RGS4: variants seen among roughly 807,000 people sequenced by gnomAD.
RGS4 encodes regulator of G protein signaling 4, also known as schizophrenia disorder 9.
A neutral mutation model predicts 21.6 loss-of-function variants in RGS4; 15 were observed. The observed-to-expected ratio is 0.69, with a 90% CI of 0.46 to 1.07. The LOEUF (loss-of-function observed/expected upper bound fraction) is 1.07, where lower values mean the gene tolerates loss of function less well. RGS4 is among the 50% of genes least tolerant of loss of function. RGS4 has a pLI of 0.00. For missense variants in RGS4, 237 were observed against 239.0 expected (o/e 0.99, Z 0.06); for synonymous variants, 94 against 85.5 (o/e 1.10, Z -0.55).
intron 1 of RGS4, chr1:163,071,855 G>GCCCCCCCCCCCCCCCCCCCCCCCCCCC (rs763643387): frequency 1.1e-3 from 2 of 1,816 alleles, no homozygotes; most frequent in Non-Finnish European, 1.0e-3. Context: ...GGAACTGCTT[G>GCCCCCCCCCCCCCCCCCCCCCCCCCCC]CCCCCCCCCC....
chr1:163,070,132 A>G (rs527739177), intron 1 of RGS4, among the ~76,000 whole-genome samples: 3 of 152,310 alleles, frequency 2.0e-5, no homozygotes, highest in African/African-American at 7.2e-5. Flanking sequence ...AGTTTGGTTG[A>G]GAAATATTGA....
rs186689062 is a variant in RGS4 at position 163,070,023 on chromosome 1, T to C, written c.44+495T>C. Among the ~76,000 whole-genome samples the C allele has an allele frequency of 8.5e-5, 13 of 152,270 alleles. No homozygotes were observed. The East Asian group carries it at 2.5e-3, about 29-fold the overall frequency. On this transcript the variant is annotated intron_variant, in intron 1 of 4. Coordinates refer to ENST00000367909, the MANE Select transcript of RGS4 (RefSeq NM_005613.6). ...TGGTGGTGCAGTAACTTTCACTCTC[T>C]ATGTTCTTATAAGCAAATGTTACAA...
At position 163,074,693 on chromosome 1, in the gene RGS4, G is replaced by A. The variant is rs117599588; in HGVS notation, c.*133G>A. The A allele has an allele frequency of 1.7e-3, 2,194 of 1,293,548 alleles. 38 individuals are homozygous for A. The East Asian group carries it at 0.035, about 21-fold the overall frequency. 80.1% of individuals were successfully genotyped at this position (1,293,548 alleles called of 1,614,324 possible). ...CTAATATTCATGCTGCCTGCCATGTGTGAGTCACTTCTACGCATAAACTAG... is the reference window on the plus strand; with the variant it reads ...CTAATATTCATGCTGCCTGCCATGTATGAGTCACTTCTACGCATAAACTAG... On this transcript the variant is annotated 3_prime_UTR_variant, in exon 5 of 5. Coordinates refer to ENST00000367909, the MANE Select transcript of RGS4 (RefSeq NM_005613.6).
upstream of RGS4, chr1:163,069,058 T>A (rs1334105024): frequency 4.6e-5 from 71 of 1,544,686 alleles, no homozygotes; most frequent in Non-Finnish European, 5.9e-5. Flanking sequence ...ATTTTTTTTT[T>A]ACAGGCATAT....
At chr1:163,071,913 G>A (rs945774002) in intron 1 of RGS4, 11 of 931,628 alleles carry the variant, frequency 1.2e-5, no homozygotes, top group Non-Finnish European at 1.4e-5. Context: ...TTACTTTCCC[G>A]AGGTGCTTCT....
At chr1:163,071,573 G>A (rs1212581162) in intron 1 of RGS4, among the ~76,000 whole-genome samples, 1 of 151,970 alleles carries the variant, frequency 6.6e-6, no homozygotes, top group Non-Finnish European at 1.5e-5. Context: ...ATGTGCCCTG[G>A]CTACCTATTA....
intron 1 of RGS4, chr1:163,070,587 T>A (rs763144964): frequency 6.6e-6 from 1 of 152,178 alleles, no homozygotes; most frequent in Non-Finnish European, 1.5e-5. Flanking sequence ...AGAGTATCTA[T>A]GAAATAAGTT....
chr1:163,069,615 T>C, intron 1 of RGS4, 87 bp downstream of exon 1: 1 of 1,103,128 alleles, frequency 9.1e-7, no homozygotes, highest in South Asian at 1.5e-5. Context: ...AACCTAGTTC[T>C]GTGCAATTAG....
intron 1 of RGS4, chr1:163,070,399 A>G (rs1035129310): frequency 6.6e-6 from 1 of 152,202 alleles, no homozygotes; most frequent in Non-Finnish European, 1.5e-5. Context: ...CTAAAGGTAT[A>G]CTACCTGCTT....
rs997823263 is a variant in RGS4 at position 163,075,800 on chromosome 1, T to C, written c.*1240T>C. ...TAAACCAGCAGCAGGGGAAAGATTA[T>C]ATTTTATAAGAGGGAACAAATTTTC... On this transcript the variant is annotated 3_prime_UTR_variant, in exon 5 of 5. Transcript: ENST00000367909. 1 of 152,364 alleles carries C rather than the reference T, an allele frequency of 6.6e-6. No individual in the cohort carries two copies. The highest frequency in any genetic ancestry group is 2.1e-4 in the South Asian group (1 of 4,830). 9.4% of individuals were successfully genotyped at this position (152,364 alleles called of 1,614,324 possible).
Position 163,073,439 on chromosome 1 carries a change from T to C in RGS4, c.212-17T>C, listed in dbSNP as rs559282897. 20 of 1,544,204 alleles carry C rather than the reference T, an allele frequency of 1.3e-5. No individual in the cohort carries two copies. The East Asian group carries it at 4.1e-4, about 32-fold the overall frequency. On this transcript the variant is annotated splice_polypyrimidine_tract_variant and intron_variant, in intron 3 of 4. Coordinates refer to ENST00000367909, the MANE Select transcript of RGS4 (RefSeq NM_005613.6). ...ACCAGTGTGATGACAACTGTGGTCC[T>C]TTCTCCTGTATCATAGGTGGGCTGG...
chr1:163,069,412 C>G lies in RGS4; in HGVS notation c.-73C>G. 1 of 1,607,022 alleles carries G rather than the reference C, an allele frequency of 6.2e-7. No individual in the cohort carries two copies. Among genetic ancestry groups the G allele is most frequent in the Non-Finnish European group, 8.5e-7 (1 of 1,176,316 alleles). The stretch of plus-strand genomic sequence containing the variant: ...TCTTTACCGGAGAAGAGGCAAAGTA[C>G]GCTCAAAGCCGAAGCCACAGCTCCT... On this transcript the variant is annotated 5_prime_UTR_variant, in exon 1 of 5. Coordinates refer to ENST00000367909, the MANE Select transcript of RGS4 (RefSeq NM_005613.6).
In RGS4 at chr1:163,072,465, CACAACAAGAAGG is replaced by C; in HGVS notation, c.120_131del (p.Asn40_Asp43del). ...TGATTCCTGTGAACACAATTCTTCC[CACAACAAGAAGG>C]ACAAAGTGGTTATTTGCCAGAGGTA... is the stretch of plus-strand genomic sequence containing the variant. On this transcript the variant is annotated inframe_deletion, in exon 2 of 5. Transcript: ENST00000367909. 1 of 1,613,058 alleles carries C rather than the reference CACAACAAGAAGG, an allele frequency of 6.2e-7. No individual in the cohort carries two copies. The highest frequency in any genetic ancestry group is 8.5e-7 in the Non-Finnish European group (1 of 1,179,370).
At chr1:163,069,676 CTAGATATTGTG>C in intron 1 of RGS4, 148 bp downstream of exon 1, 2 of 680,454 alleles carry the variant, frequency 2.9e-6, no homozygotes. Context: ...CCAAGACTAG[CTAGATATTGTG>C]ACTTAAGACA....
rs761559375 is a variant in RGS4, at chr1:163,069,416, C to G, written c.-69C>G. The G allele has an allele frequency of 2.3e-5, 37 of 1,608,768 alleles. No individual in the cohort carries two copies. Among genetic ancestry groups the G allele is most frequent in the Non-Finnish European group, 3.1e-5 (36 of 1,177,444 alleles). ...TACCGGAGAAGAGGCAAAGTACGCT[C>G]AAAGCCGAAGCCACAGCTCCTCCTG... On this transcript the variant is annotated 5_prime_UTR_variant, in exon 1 of 5. Transcript: ENST00000367909.
Position 163,074,495 on chromosome 1 carries a change from G to T in RGS4, c.553G>T (p.Ala185Ser). ...TTTGGTCAACCCGTCCAGCTGTGGG[G>T]CAGAAAAGCAGAAAGGAGCCAAGAG... ...LDLVNPSSCG[A>S]EKQKGAKSSA... Residue 185 changes from alanine to serine, a missense_variant, in exon 5 of 5, where the codon GCA becomes TCA. Coordinates refer to ENST00000367909, the MANE Select transcript of RGS4 (RefSeq NM_005613.6). 1 of 1,613,904 alleles carries T rather than the reference G, an allele frequency of 6.2e-7. No homozygotes were observed.
intron 1 of RGS4, chr1:163,072,042 AGAG>A: frequency 1.0e-6 from 1 of 1,000,982 alleles, no homozygotes; most frequent in South Asian, 4.6e-5. Context: ...AAAATTACTC[AGAG>A]ATCACTCATG....
In RGS4 at chr1:163,075,080, T is replaced by TA; in HGVS notation, c.*521dup. Reference sequence around the variant, plus strand: ...CTGTATATAGATGTCTGTGTATACATATGTATGTGTGAGTGTATGTATACA... The same window carrying TA: ...CTGTATATAGATGTCTGTGTATACATAATGTATGTGTGAGTGTATGTATACA... On this transcript the variant is annotated 3_prime_UTR_variant, in exon 5 of 5. Transcript: ENST00000367909. The TA allele has an allele frequency of 5.8e-6, 1 of 172,916 alleles. No individual in the cohort carries two copies. The highest frequency in any genetic ancestry group is 1.1e-5 in the Non-Finnish European group (1 of 90,760). The allele number at this position is 172,916 out of a possible 1,614,324, so 10.7% of individuals were successfully genotyped here. A position where few individuals can be genotyped will look rare whatever the true frequency, so the allele number is the denominator to read the frequency against.
At chr1:163,071,673 T>C (rs1027314127) in intron 1 of RGS4, among the ~76,000 whole-genome samples, 7 of 152,048 alleles carry the variant, frequency 4.6e-5, no homozygotes, top group African/African-American at 1.7e-4. Context: ...AGAGTGTGTA[T>C]GTCCTTTAAA....
Sources: gnomAD v4.1 joint callset for allele counts (sites outside exome capture counted in the v4.1 genomes callset) on GRCh38, gnomAD v4.1.1 for gene constraint, MANE v1.5 for transcripts, NCBI Gene and HGNC (gene_info 2026-07-23, HGNC 2026-07-21) for gene names.